Variants in TFB1M observed in about 807,000 individuals in gnomAD.
TFB1M encodes the protein dimethyladenosine transferase 1, mitochondrial.
In TFB1M, 27 loss-of-function variants were observed where a neutral mutation model predicts 31.1. That is an observed-to-expected ratio of 0.87 (90% CI 0.64 to 1.20). TFB1M has a LOEUF of 1.20. TFB1M is among the 50% of genes most tolerant of loss of function. The pLI is 0.00. For synonymous variants in TFB1M, 166 were observed against 151.8 expected (o/e 1.09, Z -0.69); for missense variants, 394 against 418.7 (o/e 0.94, Z 0.51).
At chr6:155,244,645 G>A in the TFB1M span, 1 of 1,613,010 alleles carries the variant, frequency 6.2e-7, no homozygotes, top group Non-Finnish European at 8.5e-7. Context: ...TTCAAATCCT[G>A]ATCTTCACAT....
At chr6:155,241,805 C>T in the TFB1M span, among the ~76,000 whole-genome samples, 1,861 of 152,276 alleles carry the variant, frequency 0.012, 34 homozygotes, top group Non-Finnish European at 0.015. Context: ...TGTTCAGACT[C>T]AAGTTCTGAA....
downstream of TFB1M, among the ~76,000 whole-genome samples, chr6:155,252,202 G>C (rs1321898646): frequency 6.6e-6 from 1 of 152,168 alleles, no homozygotes; most frequent in African/African-American, 2.4e-5. Context: ...AAGATATACA[G>C]CTGGGCACGG....
chr6:155,289,480 A>G (rs1217922816), intron 4 of TFB1M, among the ~76,000 whole-genome samples: 1 of 152,200 alleles, frequency 6.6e-6, no homozygotes, highest in Non-Finnish European at 1.5e-5. Context: ...ACTGCTTAAC[A>G]GTCTGATTAT....
chr6:155,306,148 G>T (rs1777752261), intron 2 of TFB1M, among the ~76,000 whole-genome samples: 2 of 152,028 alleles, frequency 1.3e-5, no homozygotes. Context: ...ACCACAAGAG[G>T]ATACCATTAC....
At chr6:155,261,805 T>G (rs2114668192) in intron 5 of TFB1M, among the ~76,000 whole-genome samples, 1 of 152,334 alleles carries the variant, frequency 6.6e-6, no homozygotes, top group East Asian at 1.9e-4. Flanking sequence ...ATGCTGAGAA[T>G]GTGCCAAGCG....
At chr6:155,238,829 G>A in the TFB1M span, among the ~76,000 whole-genome samples, 1 of 152,214 alleles carries the variant, frequency 6.6e-6, no homozygotes, top group African/African-American at 2.4e-5. Context: ...TGTAGGAACT[G>A]TTTCTACTTC....
At chr6:155,238,994 A>T in the TFB1M span, among the ~76,000 whole-genome samples, 1 of 152,314 alleles carries the variant, frequency 6.6e-6, no homozygotes, top group African/African-American at 2.4e-5. Context: ...AGGGCAGTTG[A>T]GAGTGGCCTC....
At chr6:155,286,533 A>G (rs1188592591) in intron 4 of TFB1M, among the ~76,000 whole-genome samples, 1 of 143,054 alleles carries the variant, frequency 7.0e-6, no homozygotes, top group Non-Finnish European at 1.5e-5. Flanking sequence ...ATGTATATAT[A>G]TACATGTGTA....
the TFB1M span, among the ~76,000 whole-genome samples, chr6:155,239,895 G>A: frequency 6.6e-6 from 1 of 151,252 alleles, no homozygotes; most frequent in East Asian, 1.9e-4. Flanking sequence ...CCCCTTTAGG[G>A]TGAGGGTGTT....
intron 2 of TFB1M, among the ~76,000 whole-genome samples, chr6:155,301,647 T>A (rs1046697830): frequency 6.6e-6 from 1 of 152,206 alleles, no homozygotes; most frequent in African/African-American, 2.4e-5. Context: ...TCATTTTTAT[T>A]TTAGTGTTCA....
chr6:155,291,012 T>C (rs940224127), intron 4 of TFB1M, among the ~76,000 whole-genome samples: 4 of 152,098 alleles, frequency 2.6e-5, no homozygotes, highest in African/African-American at 9.7e-5. Context: ...ATTACTCAAG[T>C]GTAGGTAAGG....
chr6:155,305,600 TAA>T lies in TFB1M; in HGVS notation c.285+5586_285+5587del, dbSNP rs1398538231. On this transcript the variant is annotated intron_variant, in intron 2 of 6. Coordinates refer to ENST00000367166, the MANE Select transcript of TFB1M (RefSeq NM_016020.4). Reference sequence around the variant, plus strand: ...ATATATTAAATTATATATTTATATATAAATATATATATATTAAATTATATATT... The same window carrying T: ...ATATATTAAATTATATATTTATATATATATATATATATTAAATTATATATT... 3.4e-3 allele frequency among the ~76,000 whole-genome samples: 42 copies of T among 12,230 alleles called. 4 individuals are homozygous for T. The highest frequency in any genetic ancestry group is 0.038 in the Middle Eastern group (1 of 26). 8.0% of individuals were successfully genotyped at this position (12,230 alleles called of 152,430 possible). A position where few individuals can be genotyped will look rare whatever the true frequency, so the allele number is the denominator to read the frequency against.
In TFB1M at chr6:155,285,347, T is replaced by C. The variant is rs921883511; in HGVS notation, c.547-70A>G. ...CTGATTAGATGAAAAAGAGTCAACATTCCATTATTTCTGAACACTAGGTGG... is the reference window on the plus strand; with the variant it reads ...CTGATTAGATGAAAAAGAGTCAACACTCCATTATTTCTGAACACTAGGTGG... On this transcript the variant is annotated intron_variant, in intron 4 of 6. Coordinates refer to ENST00000367166, the MANE Select transcript of TFB1M (RefSeq NM_016020.4). The C allele has an allele frequency of 1.9e-6, 3 of 1,586,908 alleles. No individual in the cohort carries two copies. In the African/African-American group the frequency reaches 4.0e-5, roughly 21 times the overall value.
At chr6:155,231,421 T>G in the TFB1M span, among the ~76,000 whole-genome samples, 1 of 152,238 alleles carries the variant, frequency 6.6e-6, no homozygotes, top group African/African-American at 2.4e-5. Context: ...TTCATACAAT[T>G]TCCCTGGAGT....
At chr6:155,282,824 T>G (rs1477519282) in intron 5 of TFB1M, among the ~76,000 whole-genome samples, 2 of 151,506 alleles carry the variant, frequency 1.3e-5, no homozygotes, top group East Asian at 3.9e-4. Flanking sequence ...GCCTCCCGGG[T>G]TCATGCCATT....
Position 155,311,093 on chromosome 6 carries a change from T to C in TFB1M, c.285+95A>G, listed in dbSNP as rs907161740. 10 of 1,400,210 alleles carry C rather than the reference T, an allele frequency of 7.1e-6. No individual in the cohort carries two copies. In the Admixed American group the frequency reaches 1.7e-4, roughly 24 times the overall value. The allele number at this position is 1,400,210 out of a possible 1,614,324, so 86.7% of individuals were successfully genotyped here. ...GGGGATCTATAGTTGAGGAAAAACCTACATAATCTTTGGATACCTTGGGGT... is the reference window on the plus strand; with the variant it reads ...GGGGATCTATAGTTGAGGAAAAACCCACATAATCTTTGGATACCTTGGGGT... On this transcript the variant is annotated intron_variant, in intron 2 of 6. Coordinates refer to ENST00000367166, the MANE Select transcript of TFB1M (RefSeq NM_016020.4).
intron 4 of TFB1M, among the ~76,000 whole-genome samples, chr6:155,286,053 G>C (rs969093734): frequency 2.0e-5 from 3 of 152,044 alleles, no homozygotes; most frequent in African/African-American, 7.3e-5. Context: ...TGCAGGCCCA[G>C]ACAGATCAAT....
intron 5 of TFB1M, among the ~76,000 whole-genome samples, chr6:155,265,194 G>A (rs558345124): frequency 3.3e-5 from 5 of 152,144 alleles, no homozygotes; most frequent in African/African-American, 4.8e-5. Flanking sequence ...CTGCCCAGCC[G>A]GGCCATGGGT....
chr6:155,290,244 G>C (rs554987862), intron 4 of TFB1M, among the ~76,000 whole-genome samples: 2 of 152,078 alleles, frequency 1.3e-5, no homozygotes, highest in African/African-American at 4.8e-5. Flanking sequence ...AAATTAGCCA[G>C]GCGTGGTGGT....
Sources: gnomAD v4.1 joint callset for allele counts (sites outside exome capture counted in the v4.1 genomes callset) on GRCh38, gnomAD v4.1.1 for gene constraint, MANE v1.5 for transcripts, NCBI Gene and HGNC (gene_info 2026-07-23, HGNC 2026-07-21) for gene names.